Variants in NAALADL2 observed in about 807,000 individuals in gnomAD.
NAALADL2 encodes N-acetylated alpha-linked acidic dipeptidase like 2, also known as inactive N-acetylated-alpha-linked acidic dipeptidase-like protein 2.
NAALADL2 carries 76 observed loss-of-function variants against 87.2 expected under a neutral mutation model. The observed-to-expected ratio is 0.87, with a 90% CI of 0.72 to 1.05. The LOEUF is 1.05. Among genes scored for constraint, NAALADL2 ranks in the 50% least tolerant of loss-of-function variants. The probability of loss-of-function intolerance (pLI) is 0.00; values close to 1 mark genes in which losing one functional copy is unlikely to be tolerated. For missense variants in NAALADL2, 1,089 were observed against 945.8 expected (o/e 1.15, Z -1.99); for synonymous variants, 354 against 331.0 (o/e 1.07, Z -0.75).
intron 5 of NAALADL2, among the ~76,000 whole-genome samples, chr3:175,372,370 T>C (rs545110295): frequency 6.3e-4 from 96 of 152,356 alleles, no homozygotes; most frequent in African/African-American, 2.2e-3. Flanking sequence ...TTTTCCTTCA[T>C]GTAACAGAAA....
intron 2 of NAALADL2, among the ~76,000 whole-genome samples, chr3:174,734,059 C>G (rs970559707): frequency 6.6e-6 from 1 of 152,118 alleles, no homozygotes; most frequent in South Asian, 2.1e-4. Context: ...TATGGGACTA[C>G]TGGGTTGGTT....
chr3:174,730,222 C>T (rs558957035), intron 2 of NAALADL2, among the ~76,000 whole-genome samples: 24 of 152,110 alleles, frequency 1.6e-4, no homozygotes, highest in African/African-American at 4.3e-4. Context: ...TTACATGGGT[C>T]GGTTGTAACC....
intron 1 of NAALADL2, among the ~76,000 whole-genome samples, chr3:175,080,467 A>C (rs1717581611): frequency 6.6e-6 from 1 of 152,156 alleles, no homozygotes; most frequent in Non-Finnish European, 1.5e-5. Context: ...AAGACAACTA[A>C]AATATGTGTC....
chr3:175,321,210 A>G (rs1394718959), intron 4 of NAALADL2, among the ~76,000 whole-genome samples: 3 of 147,612 alleles, frequency 2.0e-5, no homozygotes, highest in African/African-American at 5.0e-5. Context: ...GTAATCCAGC[A>G]TATAAACAGT....
At chr3:175,233,657 G>A (rs1745348358) in intron 2 of NAALADL2, among the ~76,000 whole-genome samples, 1 of 152,024 alleles carries the variant, frequency 6.6e-6, no homozygotes. Flanking sequence ...TGTTGCCCTG[G>A]CTAGTCCTGT....
intron 1 of NAALADL2, among the ~76,000 whole-genome samples, chr3:174,929,857 A>T (rs1736615799): frequency 6.6e-6 from 1 of 152,204 alleles, no homozygotes; most frequent in Non-Finnish European, 1.5e-5. Context: ...AAGATTTCTT[A>T]GCCTTTCCTG....
chr3:175,245,553 G>A (rs1225755197), intron 3 of NAALADL2, among the ~76,000 whole-genome samples: 6 of 152,178 alleles, frequency 3.9e-5, no homozygotes, highest in Admixed American at 2.6e-4. Context: ...GCCAAGGCAA[G>A]TAGCAACTCT....
At chr3:175,164,194 A>C (rs1438777936) in intron 2 of NAALADL2, among the ~76,000 whole-genome samples, 1 of 152,092 alleles carries the variant, frequency 6.6e-6, no homozygotes, top group African/African-American at 2.4e-5. Flanking sequence ...AACTTAATAT[A>C]GCCATGAAAA....
At chr3:175,371,088 A>G (rs1766418981) in intron 5 of NAALADL2, among the ~76,000 whole-genome samples, 2 of 152,176 alleles carry the variant, frequency 1.3e-5, no homozygotes. Context: ...CAAAAGGATG[A>G]TTTGTCTTAG....
At chr3:175,098,870 T>C (rs773127929) in intron 2 of NAALADL2, among the ~76,000 whole-genome samples, 4 of 150,600 alleles carry the variant, frequency 2.7e-5, no homozygotes, top group Non-Finnish European at 5.9e-5. Flanking sequence ...TTAATTTCTT[T>C]TTAATGGTAA....
chr3:175,344,476 A>C (rs1762924633), intron 5 of NAALADL2, among the ~76,000 whole-genome samples: 3 of 151,410 alleles, frequency 2.0e-5, no homozygotes, highest in African/African-American at 7.3e-5. Context: ...GGATGCAAGA[A>C]ACCTGCCTTC....
chr3:174,730,430 A>G (rs1031170204), intron 2 of NAALADL2, among the ~76,000 whole-genome samples: 1 of 152,128 alleles, frequency 6.6e-6, no homozygotes, highest in African/African-American at 2.4e-5. Flanking sequence ...TTTTCCATTT[A>G]TGCTGTTACA....
chr3:174,840,586 C>A (rs970765587), intron 3 of NAALADL2, among the ~76,000 whole-genome samples: 1 of 152,094 alleles, frequency 6.6e-6, no homozygotes, highest in African/African-American at 2.4e-5. Context: ...AAGTTGTTCA[C>A]ATGTTGTGAG....
chr3:174,483,310 A>G (rs532673164), intron 1 of NAALADL2, among the ~76,000 whole-genome samples: 2 of 152,054 alleles, frequency 1.3e-5, no homozygotes, highest in South Asian at 4.1e-4. Flanking sequence ...TGAAAGGTGA[A>G]GAGTAGCAAG....
At chr3:175,646,596 C>CA (rs1730039612) in intron 11 of NAALADL2, among the ~76,000 whole-genome samples, 2 of 152,010 alleles carry the variant, frequency 1.3e-5, no homozygotes, top group Admixed American at 1.3e-4. Context: ...TAGCCTATTC[C>CA]TCTATCCCTA....
intron 3 of NAALADL2, among the ~76,000 whole-genome samples, chr3:174,738,242 G>A (rs1039772969): frequency 6.6e-6 from 1 of 152,076 alleles, no homozygotes; most frequent in Admixed American, 6.6e-5. Flanking sequence ...GTGAACTTCT[G>A]TTCATACATT....
At chr3:175,535,345 G>A (rs1453479319) in intron 9 of NAALADL2, among the ~76,000 whole-genome samples, 2 of 152,196 alleles carry the variant, frequency 1.3e-5, no homozygotes, top group Non-Finnish European at 2.9e-5. Context: ...TATCAGCCAT[G>A]TCTCAGTTCT....
intron 1 of NAALADL2, among the ~76,000 whole-genome samples, chr3:175,093,744 C>G (rs114157361): frequency 6.6e-6 from 1 of 151,658 alleles, no homozygotes; most frequent in Non-Finnish European, 1.5e-5. Context: ...ACCTTTATCC[C>G]AGATGTGACT....
chr3:175,199,865 T>TATATATATGTATA (rs1491567315), intron 2 of NAALADL2, among the ~76,000 whole-genome samples: 1 of 8,622 alleles, frequency 1.2e-4, no homozygotes, highest in African/African-American at 4.1e-4. Context: ...TATATATATA[T>TATATATATGTATA]TTTTTTTTTT....
Sources: allele counts gnomAD v4.1 joint callset (sites outside exome capture counted in the v4.1 genomes callset), GRCh38; gene constraint gnomAD v4.1.1; transcripts MANE v1.5; gene names NCBI Gene and HGNC (gene_info 2026-07-23, HGNC 2026-07-21).